Variants in MAPK6 observed in about 807,000 individuals in gnomAD.
MAPK6 encodes the protein ERK-3.
Under a neutral mutation model 59.3 loss-of-function variants are expected in MAPK6, and 19 were observed. The ratio of observed to expected loss-of-function variants is 0.32; its 90% confidence interval spans 0.22 to 0.47. MAPK6 has a LOEUF of 0.47. Among genes scored for constraint, MAPK6 ranks in the 20% least tolerant of loss-of-function variants. The pLI, the probability that MAPK6 is intolerant of heterozygous loss-of-function variation, is 1.00. For missense variants in MAPK6, 724 were observed against 847.9 expected, an observed-to-expected ratio of 0.85 and a Z score of 1.81; for synonymous variants, 316 against 290.3, an observed-to-expected ratio of 1.09 and a Z score of -0.90.
Position 52,045,975 on chromosome 15 carries a change from A to C in MAPK6, c.-486A>C, listed in dbSNP as rs1054049697. Reference sequence around the variant, plus strand: ...AAATATATAGCAACAAAGGAAAAAAAGAAGCAAAACGGAAATAGTGCTTAC... The same window carrying C: ...AAATATATAGCAACAAAGGAAAAAACGAAGCAAAACGGAAATAGTGCTTAC... On this transcript the variant is annotated 5_prime_UTR_variant, in exon 2 of 6. Coordinates refer to ENST00000261845, the MANE Select transcript of MAPK6 (RefSeq NM_002748.4). 1 of 153,254 alleles carries C rather than the reference A, an allele frequency of 6.5e-6. No individual in the cohort carries two copies. The highest frequency in any genetic ancestry group is 2.1e-4 in the South Asian group (1 of 4,878). The allele number at this position is 153,254 out of a possible 1,614,324, so 9.5% of individuals were successfully genotyped here.
chr15:52,002,642 C>T (rs1441476308), intron 2 of MAPK6, among the ~76,000 whole-genome samples: 1 of 152,216 alleles, frequency 6.6e-6, no homozygotes, highest in Non-Finnish European at 1.5e-5. Flanking sequence ...GGAAGTGGAT[C>T]ATCAGAGTTG....
At position 52,064,081 on chromosome 15, in the gene MAPK6, A is replaced by C. The variant is rs1326333441; in HGVS notation, c.1247A>C (p.Asp416Ala). The C allele has an allele frequency of 6.2e-7, 1 of 1,612,800 alleles. No individual in the cohort carries two copies. Residue 416 changes from aspartate (D) to alanine (A), a missense_variant, in exon 6 of 6, where the codon GAT (aspartate) becomes GCT (alanine). Asp to Ala is a moderately radical substitution (Grantham distance 126). This residue lies in a region of MAPK6 where 502 missense variants were observed against 507.6 expected (regional missense o/e 0.99). Transcript: ENST00000261845. ...REKYLEDPAF[D>A]TNYSTEPCWQ... The stretch of plus-strand genomic sequence containing the variant: ...AAGTATCTGGAGGATCCTGCTTTTG[A>C]TACCAATTACTCTACTGAGCCTTGT...
chr15:52,031,855 A>G (rs533328662), intron 1 of MAPK6, among the ~76,000 whole-genome samples: 1 of 152,074 alleles, frequency 6.6e-6, no homozygotes, highest in African/African-American at 2.4e-5. Context: ...AAATTTCACC[A>G]TTTTATTTTC....
chr15:52,061,234 A>G, intron 4 of MAPK6, 65 bp from the exon 5 acceptor site: 1 of 1,193,184 alleles, frequency 8.4e-7, no homozygotes, highest in East Asian at 2.3e-5. Context: ...AATGAGATCA[A>G]CATTTACTGT....
At chr15:51,993,777 CTTTTCTTTCTTTTCTT>C (rs1183697648) in intron 2 of MAPK6, among the ~76,000 whole-genome samples, 13 of 150,558 alleles carry the variant, frequency 8.6e-5, no homozygotes, top group African/African-American at 1.7e-4. Flanking sequence ...CTTGGTTTCT[CTTTTCTTTCTTTTCTT>C]TTTTCTTTCT....
intron 3 of MAPK6, among the ~76,000 whole-genome samples, chr15:52,012,396 A>G (rs972254317): frequency 1.7e-4 from 26 of 152,146 alleles, no homozygotes; most frequent in African/African-American, 5.6e-4. Flanking sequence ...GGACGTGGAC[A>G]CTGTTTCCTA....
At chr15:51,999,292 C>T (rs1314879162) in intron 2 of MAPK6, among the ~76,000 whole-genome samples, 1 of 152,158 alleles carries the variant, frequency 6.6e-6, no homozygotes, top group Non-Finnish European at 1.5e-5. Context: ...AGCCACCGCG[C>T]CCAGCCTCCA....
chr15:52,016,070 G>GCGCGCGCGCGCACACA, upstream of MAPK6, among the ~76,000 whole-genome samples: 140 of 55,430 alleles, frequency 2.5e-3, no homozygotes, highest in Non-Finnish European at 3.7e-3. Flanking sequence ...GCGCGCGCGC[G>GCGCGCGCGCGCACACA]CACACACACA....
intron 1 of MAPK6, among the ~76,000 whole-genome samples, chr15:51,975,181 A>G (rs1011131873): frequency 1.3e-5 from 2 of 151,952 alleles, no homozygotes; most frequent in African/African-American, 2.4e-5. Context: ...CAAAGATTCA[A>G]TGAGGTTGAG....
intron 3 of MAPK6, among the ~76,000 whole-genome samples, chr15:52,010,736 C>T (rs1203626145): frequency 6.6e-6 from 1 of 152,130 alleles, no homozygotes; most frequent in Admixed American, 6.5e-5. Flanking sequence ...CTAGGCTGGT[C>T]TCAAACTCCT....
Position 52,028,244 on chromosome 15 carries a change from G to T in MAPK6, c.-632+8868G>T, listed in dbSNP as rs1331431507. On this transcript the variant is annotated intron_variant, in intron 1 of 5. Transcript: ENST00000261845. ...TGGGATTACAGGTGTGAACCACCGC[G>T]CCCGGCAATTTTTGTATTTTTAGTA... is the stretch of plus-strand genomic sequence containing the variant. Among the ~76,000 whole-genome samples the T allele has an allele frequency of 2.0e-5, 3 of 151,950 alleles. No homozygotes were observed. The East Asian group carries it at 5.8e-4, about 29-fold the overall frequency.
intron 2 of MAPK6, among the ~76,000 whole-genome samples, chr15:51,983,756 A>G (rs2057181971): frequency 6.6e-6 from 1 of 151,984 alleles, no homozygotes; most frequent in Non-Finnish European, 1.5e-5. Flanking sequence ...GCAGTGAGCC[A>G]TGATCATGCC....
At chr15:52,050,938 G>A (rs2031758141) in intron 3 of MAPK6, among the ~76,000 whole-genome samples, 1 of 152,212 alleles carries the variant, frequency 6.6e-6, no homozygotes, top group Non-Finnish European at 1.5e-5. Context: ...AGTAGGCAGA[G>A]GACTTTCCAT....
intron 5 of MAPK6, among the ~76,000 whole-genome samples, chr15:52,062,586 G>A (rs1294394263): frequency 6.6e-6 from 1 of 152,060 alleles, no homozygotes; most frequent in Non-Finnish European, 1.5e-5. Context: ...CTAACGTGGT[G>A]AAACCCGGTC....
intron 2 of MAPK6, among the ~76,000 whole-genome samples, chr15:51,990,850 A>G (rs1311072698): frequency 6.6e-6 from 1 of 152,164 alleles, no homozygotes; most frequent in Non-Finnish European, 1.5e-5. Flanking sequence ...GCTACTCGGG[A>G]GGCTGAGGCG....
chr15:51,983,773 C>T (rs1406792166), intron 2 of MAPK6, among the ~76,000 whole-genome samples: 1 of 152,146 alleles, frequency 6.6e-6, no homozygotes, highest in Non-Finnish European at 1.5e-5. Context: ...TGCCACTGCA[C>T]TCCAGCCTAG....
rs150375628 is a variant in MAPK6 at position 52,022,029 on chromosome 15, A to T, written c.-632+2653A>T. 4.2e-3 allele frequency among the ~76,000 whole-genome samples: 633 copies of T among 152,262 alleles called. 6 individuals carry two copies. The highest frequency in any genetic ancestry group is 0.015 in the African/African-American group (614 of 41,548). ...GAGGGGGAAAAAGATTGAGAATGGC[A>T]GTTTAAGAGTGGGGCTGGGTGCGTT... is the stretch of plus-strand genomic sequence containing the variant. On this transcript the variant is annotated intron_variant, in intron 1 of 5. Coordinates refer to ENST00000261845, the MANE Select transcript of MAPK6 (RefSeq NM_002748.4).
chr15:52,056,988 AC>A (rs2032009960), intron 3 of MAPK6: 1 of 152,114 alleles, frequency 6.6e-6, no homozygotes, highest in Admixed American at 6.5e-5. Context: ...TCTTCCTCAT[AC>A]GTTGTTTTTA....
In MAPK6 at chr15:51,979,242, G is replaced by A. The variant is rs1016190996; in HGVS notation, c.-879-3964G>A. 3.3e-5 allele frequency among the ~76,000 whole-genome samples: 5 copies of A among 150,360 alleles called. No individual in the cohort carries two copies. The East Asian group carries it at 9.7e-4, about 29-fold the overall frequency. Reference sequence around the variant, plus strand: ...AAAAAAGAGAAAGAAAAGGAAGGAAGGAAGGAAAGAAAGAGAAAGAAAGAA... The same window carrying A: ...AAAAAAGAGAAAGAAAAGGAAGGAAAGAAGGAAAGAAAGAGAAAGAAAGAA... On this transcript the variant is annotated intron_variant, in intron 1 of 7. Coordinates refer to the MAPK6 transcript ENST00000691380.
Sources: gnomAD v4.1 joint callset for allele counts (sites outside exome capture counted in the v4.1 genomes callset) on GRCh38, gnomAD v4.1.1 for gene constraint, gnomAD v4.1.1 regional missense constraint, MANE v1.5 for transcripts, NCBI Gene and HGNC (gene_info 2026-07-23, HGNC 2026-07-21) for gene names.